UHRF2: variants seen among roughly 807,000 people sequenced by gnomAD.
The protein encoded by UHRF2 is E3 ubiquitin-protein ligase UHRF2.
UHRF2 carries 23 observed loss-of-function variants against 96.8 expected under a neutral mutation model. The ratio of observed to expected loss-of-function variants is 0.24; its 90% CI spans 0.17 to 0.34. The LOEUF is 0.34. Among genes scored for constraint, UHRF2 ranks in the 10% least tolerant of loss-of-function variants. The probability of loss-of-function intolerance (pLI) is 1.00; values close to 1 mark genes in which losing one functional copy is unlikely to be tolerated. For synonymous variants in UHRF2, 385 were observed against 332.6 expected, an observed-to-expected ratio of 1.16 and a Z score of -1.72; for missense variants, 685 against 981.5, an observed-to-expected ratio of 0.70 and a Z score of 4.04.
chr9:6,486,564 C>T (rs979371901), intron 8 of UHRF2, among the ~76,000 whole-genome samples: 1 of 152,128 alleles, frequency 6.6e-6, no homozygotes, highest in Non-Finnish European at 1.5e-5. Context: ...GAATTCTACG[C>T]AATCAGTTTT....
intron 10 of UHRF2, chr9:6,494,855 G>A (rs1277798779): frequency 1.1e-4 from 16 of 152,090 alleles, no homozygotes; most frequent in Non-Finnish European, 1.8e-4. Context: ...ACTTTCATGC[G>A]TATCAATTTA....
At chr9:6,423,352 A>G (rs1308068847) in intron 2 of UHRF2, among the ~76,000 whole-genome samples, 1 of 152,210 alleles carries the variant, frequency 6.6e-6, no homozygotes, top group Admixed American at 6.5e-5. Flanking sequence ...TACTGATACT[A>G]AAACATGACA....
At chr9:6,461,513 C>T (rs761787084) in intron 4 of UHRF2, among the ~76,000 whole-genome samples, 13 of 151,500 alleles carry the variant, frequency 8.6e-5, no homozygotes, top group Non-Finnish European at 1.5e-4. Flanking sequence ...GCTGGGACTA[C>T]AGGCGTATGA....
At chr9:6,498,994 T>G (rs1199795480) in intron 12 of UHRF2, 1 of 152,232 alleles carries the variant, frequency 6.6e-6, no homozygotes, top group Non-Finnish European at 1.5e-5. Flanking sequence ...TAGAATTGAT[T>G]GTTGAAAATA....
intron 9 of UHRF2, among the ~76,000 whole-genome samples, chr9:6,487,536 C>T (rs936941130): frequency 2.0e-5 from 3 of 152,070 alleles, no homozygotes; most frequent in African/African-American, 7.2e-5. Flanking sequence ...CTGGCTAATT[C>T]TTGTATTTTT....
chr9:6,495,062 G>A (rs1824882194), intron 10 of UHRF2: 1 of 152,132 alleles, frequency 6.6e-6, no homozygotes, highest in Non-Finnish European at 1.5e-5. Context: ...TTTTGTCAAT[G>A]AAAATGTATC....
At chr9:6,471,753 G>A (rs1390972727) in intron 4 of UHRF2, among the ~76,000 whole-genome samples, 1 of 152,188 alleles carries the variant, frequency 6.6e-6, no homozygotes, top group Non-Finnish European at 1.5e-5. Context: ...TTTGCAGTAA[G>A]ATCTGAAGGG....
At chr9:6,477,845 T>C (rs1373045653) in intron 6 of UHRF2, 37 bp downstream of exon 6, 1 of 1,508,246 alleles carries the variant, frequency 6.6e-7, no homozygotes, top group Non-Finnish European at 9.0e-7. Flanking sequence ...TTGTTCTTGC[T>C]GTGTAAACAT....
intron 4 of UHRF2, among the ~76,000 whole-genome samples, chr9:6,467,979 C>T (rs1322009694): frequency 6.6e-6 from 1 of 152,128 alleles, no homozygotes; most frequent in Admixed American, 6.5e-5. Flanking sequence ...CCTTAGACAC[C>T]TCATCACAGT....
At chr9:6,450,474 A>G (rs1821792539) in intron 3 of UHRF2, among the ~76,000 whole-genome samples, 1 of 152,200 alleles carries the variant, frequency 6.6e-6, no homozygotes, top group Non-Finnish European at 1.5e-5. Context: ...ACTCTGTTAG[A>G]TAAGACTACT....
chr9:6,500,990 G>A (rs555511323), intron 14 of UHRF2, among the ~76,000 whole-genome samples: 3 of 152,228 alleles, frequency 2.0e-5, no homozygotes, highest in East Asian at 1.9e-4. Flanking sequence ...GTGAAACATC[G>A]TCATTTTAAT....
At chr9:6,422,132 T>G (rs966364576) in intron 2 of UHRF2, among the ~76,000 whole-genome samples, 9 of 152,220 alleles carry the variant, frequency 5.9e-5, no homozygotes, top group Non-Finnish European at 1.3e-4. Context: ...ACCCACAGGG[T>G]ACTGCCAAAC....
intron 3 of UHRF2, among the ~76,000 whole-genome samples, chr9:6,457,923 A>G (rs1300329278): frequency 6.6e-6 from 1 of 152,178 alleles, no homozygotes; most frequent in Admixed American, 6.5e-5. Flanking sequence ...TATTTTATTG[A>G]GGATTTTTGC....
rs1171172143 is a variant in UHRF2, at chr9:6,428,533, C to CTTTTTTTTTTTTTTTTTTTTTTTTTT, written c.385-5368_385-5343dup. Among the ~76,000 whole-genome samples the CTTTTTTTTTTTTTTTTTTTTTTTTTT allele has an allele frequency of 9.2e-5, 6 of 65,420 alleles. 1 individual carries two copies. Among genetic ancestry groups the CTTTTTTTTTTTTTTTTTTTTTTTTTT allele is most frequent in the Non-Finnish European group, 1.6e-4 (6 of 37,888 alleles). 42.9% of individuals were successfully genotyped at this position (65,420 alleles called of 152,430 possible). A position where few individuals can be genotyped will look rare whatever the true frequency, so the allele number is the denominator to read the frequency against. ...TGTAAATGGAACCATATTGCTTTTGCTTTTTTTTTTTTTTTTTTTTTTTTT... is the reference window on the plus strand; with the variant it reads ...TGTAAATGGAACCATATTGCTTTTGCTTTTTTTTTTTTTTTTTTTTTTTTTTTTTTTTTTTTTTTTTTTTTTTTTTT... On this transcript the variant is annotated intron_variant, in intron 2 of 15. Transcript: ENST00000276893.
At chr9:6,501,434 GCCC>G (rs1816287584) in intron 14 of UHRF2, among the ~76,000 whole-genome samples, 1 of 152,076 alleles carries the variant, frequency 6.6e-6, no homozygotes, top group Admixed American at 6.6e-5. Context: ...GTGTTGATGT[GCCC>G]CCATGTCTGT....
chr9:6,475,543 A>G lies in UHRF2; in HGVS notation c.973+43A>G, dbSNP rs115553181. Reference sequence around the variant, plus strand: ...TGGTCTTAGACTACATGTGTTGTACATGATTGAACTTTATTTTTACTGGTC... The same window carrying G: ...TGGTCTTAGACTACATGTGTTGTACGTGATTGAACTTTATTTTTACTGGTC... On this transcript the variant is annotated intron_variant, in intron 5 of 15. Coordinates refer to ENST00000276893, the MANE Select transcript of UHRF2 (RefSeq NM_152896.3). 1.4e-3 allele frequency: 1,606 copies of G among 1,182,814 alleles called. 20 individuals carry two copies. The African/African-American group carries it at 0.023, about 17-fold the overall frequency. The allele number at this position is 1,182,814 out of a possible 1,614,324, so 73.3% of individuals were successfully genotyped here. A position where few individuals can be genotyped will look rare whatever the true frequency, so the allele number is the denominator to read the frequency against.
chr9:6,480,276 C>T (rs1823842785), intron 6 of UHRF2, among the ~76,000 whole-genome samples: 1 of 152,204 alleles, frequency 6.6e-6, no homozygotes, highest in Non-Finnish European at 1.5e-5. Context: ...ACATATAACC[C>T]TGATGTATTT....
chr9:6,504,015 CTTTTTTTTTTTT>C (rs35325264), intron 14 of UHRF2, among the ~76,000 whole-genome samples: 9 of 78,942 alleles, frequency 1.1e-4, no homozygotes, highest in East Asian at 3.6e-4. Context: ...AAATAGAAGA[CTTTTTTTTTTTT>C]TTTTTTTTTT....
intron 4 of UHRF2, among the ~76,000 whole-genome samples, chr9:6,463,679 C>T (rs147609518): frequency 5.6e-4 from 85 of 152,210 alleles, no homozygotes; most frequent in African/African-American, 1.9e-3. Flanking sequence ...CCTTGTTGTC[C>T]AGGCTGGTTT....
Sources: gnomAD v4.1 joint callset for allele counts (sites outside exome capture counted in the v4.1 genomes callset) on GRCh38, gnomAD v4.1.1 for gene constraint, MANE v1.5 for transcripts, NCBI Gene and HGNC (gene_info 2026-07-23, HGNC 2026-07-21) for gene names.